The following UTP18 variants were observed in gnomAD, a reference collection of about 807,000 sequenced individuals.
UTP18 encodes U3 small nucleolar RNA-associated protein 18 homolog.
In UTP18, 36 loss-of-function variants were observed where a neutral mutation model predicts 61.1. That is an observed-to-expected ratio of 0.59 (90% CI 0.45 to 0.78). UTP18 has a LOEUF of 0.78. Among genes scored for constraint, UTP18 ranks in the 30% least tolerant of loss-of-function variants. The probability of loss-of-function intolerance (pLI) is 0.00; values close to 1 mark genes in which losing one functional copy is unlikely to be tolerated. For missense variants in UTP18, 753 were observed against 693.9 expected, an observed-to-expected ratio of 1.09 and a Z score of -0.96; for synonymous variants, 282 against 251.1, an observed-to-expected ratio of 1.12 and a Z score of -1.16.
chr17:51,279,490 GT>G (rs200917778), intron 7 of UTP18, among the ~76,000 whole-genome samples: 1 of 148,886 alleles, frequency 6.7e-6, no homozygotes, highest in Non-Finnish European at 1.5e-5. Flanking sequence ...AAGTTTTGGG[GT>G]TTTTTTTGTT....
rs569494747 is a variant in UTP18, at chr17:51,263,294, G to C, written c.363G>C (p.Ser121=). 5.6e-6 allele frequency: 9 copies of C among 1,614,150 alleles called. No homozygotes were observed. The highest frequency in any genetic ancestry group is 5.5e-5 in the South Asian group (5 of 91,070). The change falls in exon 2 of 14, where the codon TCG becomes TCC. Residue 121 remains serine (S), a synonymous_variant. Coordinates refer to ENST00000225298, the MANE Select transcript of UTP18 (RefSeq NM_016001.3). ...RGPRVQEHED[S]GDSEVENEAK... ...TGTAGGTTCAAGAACATGAAGACTC[G>C]GGTGACTCAGAAGTGGAGAATGAAG... is the stretch of plus-strand genomic sequence containing the variant.
intron 9 of UTP18, among the ~76,000 whole-genome samples, chr17:51,281,591 A>C (rs1008495971): frequency 1.2e-4 from 19 of 152,220 alleles, no homozygotes; most frequent in African/African-American, 4.6e-4. Context: ...AGGGCAGGAG[A>C]GAAGTGGAGG....
intron 3 of UTP18, among the ~76,000 whole-genome samples, chr17:51,266,816 T>C (rs747153165): frequency 4.6e-5 from 7 of 152,158 alleles, no homozygotes; most frequent in African/African-American, 7.2e-5. Flanking sequence ...GTTTCTCCAA[T>C]TGTTGTAAGG....
Position 51,292,620 on chromosome 17 carries a change from C to T in UTP18, c.1504-1283C>T, listed in dbSNP as rs74775520. ...GACTAACTGCCCAGCTGAATGATAA[C>T]GGTTGTATATATTTGAACATGAAGG... On this transcript the variant is annotated intron_variant, in intron 11 of 13. Transcript: ENST00000225298. Among the ~76,000 whole-genome samples the T allele has an allele frequency of 2.6e-5, 4 of 152,174 alleles. No homozygotes were observed. In the East Asian group the frequency reaches 5.8e-4, roughly 22 times the overall value.
chr17:51,289,309 G>A (rs1905189399), intron 11 of UTP18, among the ~76,000 whole-genome samples: 1 of 150,280 alleles, frequency 6.7e-6, no homozygotes, highest in Non-Finnish European at 1.5e-5. Context: ...CGATTCTTCT[G>A]CCTCAGTCTC....
Position 51,260,873 on chromosome 17 carries a change from G to A in UTP18, c.289G>A (p.Gly97Ser). 1 of 1,601,742 alleles carries A rather than the reference G, an allele frequency of 6.2e-7. No individual in the cohort carries two copies. Among genetic ancestry groups the A allele is most frequent in the Admixed American group, 1.7e-5 (1 of 58,888 alleles). ...VERCLEELVF[G>S]DVENDEDALL... Reference sequence around the variant, plus strand: ...GCGGTGCTTGGAGGAGCTGGTCTTCGGCGACGTCGAGAACGACGAGGACGC... The same window carrying A: ...GCGGTGCTTGGAGGAGCTGGTCTTCAGCGACGTCGAGAACGACGAGGACGC... Residue 97 changes from glycine (G) to serine (S), a missense_variant, in exon 1 of 14, where the codon GGC becomes AGC. Physicochemically the swap from Gly to Ser is moderately conservative, Grantham distance 56. Transcript: ENST00000225298.
intron 12 of UTP18, among the ~76,000 whole-genome samples, chr17:51,295,232 T>G (rs1396060255): frequency 6.6e-6 from 1 of 152,176 alleles, no homozygotes; most frequent in African/African-American, 2.4e-5. Flanking sequence ...TTTTGGCTTT[T>G]GTTGCCATTG....
At position 51,272,999 on chromosome 17, in the gene UTP18, C is replaced by G. The variant is rs78830933; in HGVS notation, c.623-363C>G. Among the ~76,000 whole-genome samples the G allele has an allele frequency of 3.4e-3, 518 of 152,296 alleles. 7 individuals are homozygous for G. Among genetic ancestry groups the G allele is most frequent in the African/African-American group, 0.011 (473 of 41,566 alleles). On this transcript the variant is annotated intron_variant, in intron 4 of 13. Transcript: ENST00000225298. ...GTTGTTAAACTAGATCAGTAGCCAA[C>G]CTGTTGCCAATTTTGCCATAATTAT...
chr17:51,269,719 G>A (rs750677698), intron 4 of UTP18, among the ~76,000 whole-genome samples: 78 of 152,148 alleles, frequency 5.1e-4, no homozygotes, highest in Non-Finnish European at 9.4e-4. Flanking sequence ...GAAATTGACC[G>A]TCTTTGTTTC....
chr17:51,280,566 C>G (rs1904881415), intron 9 of UTP18, 87 bp downstream of exon 9: 4 of 1,296,164 alleles, frequency 3.1e-6, no homozygotes, highest in Non-Finnish European at 4.4e-6. Context: ...GTAATCCCAC[C>G]ACTTTGGGAG....
At chr17:51,268,551 T>C (rs963854516) in intron 3 of UTP18, among the ~76,000 whole-genome samples, 4 of 152,206 alleles carry the variant, frequency 2.6e-5, no homozygotes, top group African/African-American at 9.7e-5. Flanking sequence ...TGTGTTGATA[T>C]GAACAAATAA....
At chr17:51,280,148 C>G in intron 8 of UTP18, 43 bp downstream of exon 8, 9 of 1,566,968 alleles carry the variant, frequency 5.7e-6, no homozygotes, top group Non-Finnish European at 7.9e-6. Context: ...CCACAAGACA[C>G]TAGTGTAGGG....
At position 51,277,289 on chromosome 17, in the gene UTP18, G is replaced by A; in HGVS notation, c.997G>A (p.Val333Met). Residue 333 changes from valine (V) to methionine (M), a missense_variant, in exon 7 of 14, where the codon GTG becomes ATG. Transcript: ENST00000225298. ...YDMLAGKLIP[V>M]HQVRGLKEKI... ...CATGCTGGCTGGAAAGTTAATTCCT[G>A]TGCATCAAGTGAGAGGTAAGATTTC... 6.2e-7 allele frequency: 1 copy of A among 1,613,904 alleles called. No homozygotes were observed. The highest frequency in any genetic ancestry group is 8.5e-7 in the Non-Finnish European group (1 of 1,179,914).
intron 3 of UTP18, among the ~76,000 whole-genome samples, chr17:51,267,865 G>A (rs986003786): frequency 4.6e-5 from 7 of 151,972 alleles, no homozygotes; most frequent in Non-Finnish European, 1.0e-4. Flanking sequence ...GAAAAAATTT[G>A]TTTCATATAT....
chr17:51,271,169 C>G (rs967108885), intron 4 of UTP18, among the ~76,000 whole-genome samples: 3 of 152,166 alleles, frequency 2.0e-5, no homozygotes, highest in African/African-American at 4.8e-5. Flanking sequence ...TTTGCTTAGA[C>G]TTCATAGTAC....
chr17:51,274,857 A>T (rs1375461545), intron 5 of UTP18, among the ~76,000 whole-genome samples: 1 of 152,082 alleles, frequency 6.6e-6, no homozygotes, highest in Non-Finnish European at 1.5e-5. Flanking sequence ...CCTTATGAGG[A>T]CAATTCATTT....
Position 51,270,244 on chromosome 17 carries a change from A to G in UTP18, c.622+1340A>G, listed in dbSNP as rs1023352067. 5.3e-5 allele frequency among the ~76,000 whole-genome samples: 8 copies of G among 152,220 alleles called. No homozygotes were observed. The South Asian group carries it at 8.3e-4, about 16-fold the overall frequency. ...TATGTCCCAACAAGTCTCTACTCCT[A>G]CGGTTTGAAACATATAGATTATCTT... On this transcript the variant is annotated intron_variant, in intron 4 of 13. Transcript: ENST00000225298.
chr17:51,296,878 T>G, intron 12 of UTP18, 87 bp from the exon 13 acceptor site: 1 of 1,297,004 alleles, frequency 7.7e-7, no homozygotes, highest in Non-Finnish European at 1.1e-6. Context: ...CCCACTAAAA[T>G]CTTCCTAAGT....
intron 11 of UTP18, among the ~76,000 whole-genome samples, chr17:51,292,383 G>A (rs1401461332): frequency 6.6e-6 from 1 of 152,200 alleles, no homozygotes; most frequent in Non-Finnish European, 1.5e-5. Flanking sequence ...CCTGCCTTCT[G>A]GCAAAGTTGA....
Sources: allele counts gnomAD v4.1 joint callset (sites outside exome capture counted in the v4.1 genomes callset), GRCh38; gene constraint gnomAD v4.1.1; transcripts MANE v1.5; gene names NCBI Gene and HGNC (gene_info 2026-07-23, HGNC 2026-07-21).